LRBA: variants seen among roughly 807,000 people sequenced by gnomAD.
LRBA encodes LPS responsive beige-like anchor protein, also known as lipopolysaccharide-responsive and beige-like anchor protein.
Under a neutral mutation model 330.0 loss-of-function variants are expected in LRBA, and 176 were observed. The ratio of observed to expected loss-of-function variants is 0.53; its 90% confidence interval spans 0.47 to 0.60. The LOEUF is 0.60. Among genes scored for constraint, LRBA ranks in the 20% least tolerant of loss-of-function variants. The probability of loss-of-function intolerance (pLI) is 0.00; values close to 1 mark genes in which losing one functional copy is unlikely to be tolerated. For missense variants in LRBA, 3,259 were observed against 3,444.8 expected, an observed-to-expected ratio of 0.95 and a Z score of 1.35; for synonymous variants, 1,230 against 1,193.0, an observed-to-expected ratio of 1.03 and a Z score of -0.64.
chr4:150,390,182 C>T (rs1196427425), intron 47 of LRBA, among the ~76,000 whole-genome samples: 2 of 152,130 alleles, frequency 1.3e-5, no homozygotes, highest in African/African-American at 4.8e-5. Context: ...TTCTGCAACT[C>T]TTATATAAAA....
At chr4:150,559,697 T>A (rs1444623144) in intron 40 of LRBA, among the ~76,000 whole-genome samples, 1 of 90,446 alleles carries the variant, frequency 1.1e-5, no homozygotes, top group Admixed American at 1.9e-4. Context: ...TATTATATAT[T>A]ATATATTATA....
In LRBA at chr4:150,958,771, CTT is replaced by C. The variant is rs563332349; in HGVS notation, c.217-29708_217-29707del. Among the ~76,000 whole-genome samples, 438 of 149,144 alleles carry C rather than the reference CTT, an allele frequency of 2.9e-3. 13 individuals are homozygous for C. Among genetic ancestry groups the C allele is most frequent in the Admixed American group, 0.026 (391 of 15,170 alleles). ...GGCAAGGGTAAACTGCCGCAAGTCT[CTT>C]TGCATGGCAAGAATGATCTTTACTC... On this transcript the variant is annotated intron_variant, in intron 2 of 56. Transcript: ENST00000651943.
At chr4:150,521,443 T>C (rs1762914445) in intron 40 of LRBA, among the ~76,000 whole-genome samples, 1 of 152,146 alleles carries the variant, frequency 6.6e-6, no homozygotes, top group Non-Finnish European at 1.5e-5. Context: ...ATTGTGGAGA[T>C]TGGGTTTCAC....
chr4:150,814,219 G>A (rs556360904), intron 31 of LRBA, among the ~76,000 whole-genome samples: 3 of 151,912 alleles, frequency 2.0e-5, no homozygotes, highest in South Asian at 4.2e-4. Flanking sequence ...AACTTAAATC[G>A]AGAGACCCAC....
At chr4:150,364,377 G>A (rs1178454828) in intron 47 of LRBA, among the ~76,000 whole-genome samples, 1 of 152,170 alleles carries the variant, frequency 6.6e-6, no homozygotes, top group Non-Finnish European at 1.5e-5. Flanking sequence ...TTTAAAAACT[G>A]TTTTACAAAT....
intron 40 of LRBA, among the ~76,000 whole-genome samples, chr4:150,531,643 T>C (rs1401870502): frequency 3.9e-5 from 6 of 152,190 alleles, no homozygotes; most frequent in Non-Finnish European, 8.8e-5. Flanking sequence ...TTTTGATGAA[T>C]GAGTGGATAG....
intron 36 of LRBA, among the ~76,000 whole-genome samples, chr4:150,700,437 G>A (rs75213205): frequency 0.028 from 4,227 of 152,214 alleles, 182 homozygotes; most frequent in African/African-American, 0.096. Flanking sequence ...ATGGTACAGG[G>A]CACATACCAT....
chr4:150,845,917 C>A (rs762868190), intron 26 of LRBA, among the ~76,000 whole-genome samples: 2 of 152,128 alleles, frequency 1.3e-5, no homozygotes, highest in African/African-American at 4.8e-5. Flanking sequence ...AAAAATCACA[C>A]CTCATTTCCT....
chr4:150,736,618 T>A (rs1187402626), intron 35 of LRBA, among the ~76,000 whole-genome samples: 1 of 152,078 alleles, frequency 6.6e-6, no homozygotes, highest in African/African-American at 2.4e-5. Flanking sequence ...GGTAAAAGAA[T>A]CTAATGTAAG....
intron 48 of LRBA, among the ~76,000 whole-genome samples, chr4:150,340,302 T>C (rs1301285924): frequency 1.3e-5 from 2 of 152,216 alleles, no homozygotes; most frequent in Non-Finnish European, 2.9e-5. Context: ...GTTAGAGTTC[T>C]AAGTAAATAG....
chr4:150,474,583 C>G (rs1756506988), intron 42 of LRBA, among the ~76,000 whole-genome samples: 1 of 152,092 alleles, frequency 6.6e-6, no homozygotes, highest in Non-Finnish European at 1.5e-5. Context: ...CTAGGGAAAA[C>G]TACCCTATTA....
intron 53 of LRBA, among the ~76,000 whole-genome samples, chr4:150,297,255 T>C (rs1360783415): frequency 1.3e-5 from 2 of 152,170 alleles, no homozygotes; most frequent in Admixed American, 6.5e-5. Context: ...ACTCTGCATA[T>C]GGTGCACATT....
intron 36 of LRBA, among the ~76,000 whole-genome samples, chr4:150,724,897 T>C (rs965059914): frequency 6.8e-6 from 1 of 146,578 alleles, no homozygotes; most frequent in African/African-American, 2.5e-5. Flanking sequence ...TATATATGTA[T>C]ATATATACAC....
rs10634420 is a variant in LRBA, at chr4:150,379,303, C to CAAAA, written c.7195-29148_7195-29145dup. On this transcript the variant is annotated intron_variant, in intron 47 of 56. Transcript: ENST00000651943. The stretch of plus-strand genomic sequence containing the variant: ...GGGCAACAAGAGGGAAACTCTAGCT[C>CAAAA]AAAAAAAAAAAAAAAAAAAAAAAGC... Among the ~76,000 whole-genome samples the CAAAA allele has an allele frequency of 4.8e-3, 286 of 59,482 alleles. 2 individuals carry two copies. The highest frequency in any genetic ancestry group is 0.019 in the Middle Eastern group (1 of 52). 39.0% of individuals were successfully genotyped at this position (59,482 alleles called of 152,430 possible).
chr4:150,676,650 T>A (rs1782585259), intron 37 of LRBA, among the ~76,000 whole-genome samples: 1 of 152,154 alleles, frequency 6.6e-6, no homozygotes, highest in Non-Finnish European at 1.5e-5. Flanking sequence ...ATTTTTTTTT[T>A]AAGACTGTTT....
chr4:150,828,738 T>C, intron 29 of LRBA, 117 bp from the exon 30 acceptor site: 1 of 911,940 alleles, frequency 1.1e-6, no homozygotes, highest in South Asian at 1.7e-5. Context: ...TACATCATGT[T>C]CTAAAAAAGC....
intron 2 of LRBA, among the ~76,000 whole-genome samples, chr4:150,972,659 T>C (rs1449323354): frequency 6.6e-6 from 1 of 152,250 alleles, no homozygotes; most frequent in Non-Finnish European, 1.5e-5. Context: ...AGGAAATGCA[T>C]TTCCCATTCA....
chr4:150,687,944 A>C (rs984855755), intron 36 of LRBA, among the ~76,000 whole-genome samples: 1 of 152,198 alleles, frequency 6.6e-6, no homozygotes, highest in Non-Finnish European at 1.5e-5. Context: ...CAGAATTAGA[A>C]AAAACTACTT....
rs541433055 is a variant in LRBA, at chr4:150,313,947, T to C, written c.7693+1614A>G. 2.0e-5 allele frequency among the ~76,000 whole-genome samples: 3 copies of C among 151,842 alleles called. No homozygotes were observed. The East Asian group carries it at 5.8e-4, about 29-fold the overall frequency. On this transcript the variant is annotated intron_variant, in intron 51 of 56. Transcript: ENST00000651943. ...CTGTGTTTGAATGTGACCTGTCACA[T>C]GAGGTCAGGTGTGGAATTTTCCACT...
Sources: gnomAD v4.1 joint callset for allele counts (sites outside exome capture counted in the v4.1 genomes callset) on GRCh38, gnomAD v4.1.1 for gene constraint, MANE v1.5 for transcripts, NCBI Gene and HGNC (gene_info 2026-07-23, HGNC 2026-07-21) for gene names.